NKAIN2: variants seen among roughly 807,000 people sequenced by gnomAD.
NKAIN2 encodes the protein sodium/potassium-transporting ATPase subunit beta-1-interacting protein 2.
NKAIN2 carries 14 observed loss-of-function variants against 32.6 expected under a neutral mutation model. That is an observed-to-expected ratio of 0.43 (90% CI 0.28 to 0.67). The LOEUF (loss-of-function observed/expected upper bound fraction) is 0.67, where lower values mean the gene tolerates loss of function less well. NKAIN2 is among the 30% of genes least tolerant of loss of function. The pLI, the probability that NKAIN2 is intolerant of heterozygous loss-of-function variation, is 0.17. For synonymous variants in NKAIN2, 80 were observed against 87.2 expected (o/e 0.92, Z 0.46); for missense variants, 198 against 258.3 (o/e 0.77, Z 1.60).
chr6:124,067,105 C>T (rs959910248), intron 1 of NKAIN2, among the ~76,000 whole-genome samples: 3 of 152,214 alleles, frequency 2.0e-5, no homozygotes, highest in East Asian at 1.9e-4. Context: ...AACCTGTTTT[C>T]GTGTCTGCTA....
At chr6:124,447,148 C>T (rs1775925720) in intron 3 of NKAIN2, among the ~76,000 whole-genome samples, 1 of 152,048 alleles carries the variant, frequency 6.6e-6, no homozygotes, top group African/African-American at 2.4e-5. Flanking sequence ...CACATAATCA[C>T]TCATGTTTGA....
chr6:124,104,924 C>A (rs1026891199), intron 1 of NKAIN2, among the ~76,000 whole-genome samples: 1 of 152,138 alleles, frequency 6.6e-6, no homozygotes, highest in Non-Finnish European at 1.5e-5. Context: ...TCTGGATGGG[C>A]TGATTTATGT....
intron 1 of NKAIN2, among the ~76,000 whole-genome samples, chr6:123,942,171 G>A (rs903185313): frequency 6.6e-6 from 1 of 151,930 alleles, no homozygotes; most frequent in Non-Finnish European, 1.5e-5. Flanking sequence ...AGGAGCACAT[G>A]AGAAATTATT....
At chr6:124,659,691 G>C (rs1784675889) in intron 4 of NKAIN2, among the ~76,000 whole-genome samples, 1 of 151,986 alleles carries the variant, frequency 6.6e-6, no homozygotes, top group African/African-American at 2.4e-5. Flanking sequence ...ATGGGTTACT[G>C]TGCCAGAAAG....
chr6:124,025,925 T>G (rs1781088659), intron 1 of NKAIN2, among the ~76,000 whole-genome samples: 2 of 152,180 alleles, frequency 1.3e-5, no homozygotes, highest in Admixed American at 1.3e-4. Context: ...AAAGGAATTC[T>G]CTGACCTACC....
chr6:124,747,190 G>A (rs986861583), intron 4 of NKAIN2, among the ~76,000 whole-genome samples: 1 of 151,840 alleles, frequency 6.6e-6, no homozygotes, highest in African/African-American at 2.4e-5. Flanking sequence ...TGCTGAATAA[G>A]GCCAGAGCTG....
chr6:124,400,439 T>A (rs1773577473), intron 3 of NKAIN2, among the ~76,000 whole-genome samples: 1 of 152,010 alleles, frequency 6.6e-6, no homozygotes, highest in African/African-American at 2.4e-5. Context: ...AGGAACTGGA[T>A]TCTATCTATA....
At chr6:124,562,967 C>A (rs1372280530) in intron 3 of NKAIN2, among the ~76,000 whole-genome samples, 1 of 149,648 alleles carries the variant, frequency 6.7e-6, no homozygotes, top group African/African-American at 2.5e-5. Flanking sequence ...TGCAATGGCG[C>A]GATCTCAGCT....
chr6:124,670,748 A>C (rs1452678603), intron 4 of NKAIN2, among the ~76,000 whole-genome samples: 1 of 151,552 alleles, frequency 6.6e-6, no homozygotes, highest in Non-Finnish European at 1.5e-5. Flanking sequence ...AAGAACAATA[A>C]TTCTCTCAAG....
chr6:124,665,311 A>G (rs1049834833), intron 4 of NKAIN2, among the ~76,000 whole-genome samples: 13 of 152,202 alleles, frequency 8.5e-5, no homozygotes, highest in South Asian at 4.1e-4. Context: ...AAAGACAAAC[A>G]TATAGACCAA....
At chr6:123,885,034 C>T (rs1358436386) in intron 1 of NKAIN2, among the ~76,000 whole-genome samples, 1 of 151,990 alleles carries the variant, frequency 6.6e-6, no homozygotes, top group Non-Finnish European at 1.5e-5. Context: ...AGGTTTGGTC[C>T]AGTTTTAAGA....
At chr6:124,392,378 T>C (rs1773179839) in intron 3 of NKAIN2, among the ~76,000 whole-genome samples, 1 of 152,170 alleles carries the variant, frequency 6.6e-6, no homozygotes, top group Non-Finnish European at 1.5e-5. Flanking sequence ...GTGACGTTTT[T>C]CACTTCCTCC....
intron 3 of NKAIN2, among the ~76,000 whole-genome samples, chr6:124,396,957 G>A (rs977999488): frequency 6.6e-6 from 1 of 152,082 alleles, no homozygotes; most frequent in Non-Finnish European, 1.5e-5. Flanking sequence ...ATTTTTGTAA[G>A]TTGTGGTGAA....
chr6:124,451,015 A>G (rs1403302507), intron 3 of NKAIN2, among the ~76,000 whole-genome samples: 1 of 152,142 alleles, frequency 6.6e-6, no homozygotes, highest in Non-Finnish European at 1.5e-5. Context: ...TGACTAAAAC[A>G]TGCATCAATG....
intron 2 of NKAIN2, among the ~76,000 whole-genome samples, chr6:124,349,402 A>C (rs1312780537): frequency 1.3e-5 from 2 of 152,016 alleles, no homozygotes; most frequent in African/African-American, 2.4e-5. Context: ...TCATTATTAC[A>C]TTAAAATTAG....
intron 3 of NKAIN2, among the ~76,000 whole-genome samples, chr6:124,413,268 T>C (rs181629224): frequency 4.7e-4 from 72 of 152,270 alleles, no homozygotes; most frequent in Non-Finnish European, 9.4e-4. Context: ...GCGTCGCTCT[T>C]TTTGTTTAAG....
intron 2 of NKAIN2, among the ~76,000 whole-genome samples, chr6:124,293,081 T>C (rs767573453): frequency 1.1e-4 from 17 of 152,164 alleles, no homozygotes; most frequent in Non-Finnish European, 2.4e-4. Flanking sequence ...GAAGACTTTT[T>C]AGCAGTCTGC....
At chr6:124,192,515 G>T (rs1443519346) in intron 1 of NKAIN2, among the ~76,000 whole-genome samples, 2 of 152,002 alleles carry the variant, frequency 1.3e-5, no homozygotes, top group Non-Finnish European at 2.9e-5. Context: ...CAGGCATATG[G>T]TCTATTTTGG....
intron 1 of NKAIN2, among the ~76,000 whole-genome samples, chr6:124,253,391 G>A (rs1401285600): frequency 6.6e-6 from 1 of 152,066 alleles, no homozygotes; most frequent in Non-Finnish European, 1.5e-5. Flanking sequence ...GTTTACACAG[G>A]AAATCATGTC....
Sources: gnomAD v4.1 joint callset for allele counts (sites outside exome capture counted in the v4.1 genomes callset) on GRCh38, gnomAD v4.1.1 for gene constraint, MANE v1.5 for transcripts, NCBI Gene and HGNC (gene_info 2026-07-23, HGNC 2026-07-21) for gene names.